The following ABCA1 variants were observed in gnomAD, a reference collection of about 807,000 sequenced individuals.
ABCA1 encodes phospholipid-transporting ATPase ABCA1.
In ABCA1, 133 loss-of-function variants were observed where a neutral mutation model predicts 262.5. That is an observed-to-expected ratio of 0.51 (90% CI 0.44 to 0.59). The LOEUF is 0.59. Among genes scored for constraint, ABCA1 ranks in the 20% least tolerant of loss-of-function variants. ABCA1 has a pLI of 0.00. For missense variants in ABCA1, 2,452 were observed against 2,777.5 expected (o/e 0.88, Z 2.63); for synonymous variants, 1,022 against 1,043.5 (o/e 0.98, Z 0.40).
intron 7 of ABCA1, among the ~76,000 whole-genome samples, chr9:104,850,150 C>T (rs1364395968): frequency 7.1e-6 from 1 of 140,090 alleles, no homozygotes. Flanking sequence ...AAGACGGAGT[C>T]TCACTCTGTC....
At chr9:104,887,722 C>CTTT (rs56828334) in intron 3 of ABCA1, among the ~76,000 whole-genome samples, 6,909 of 98,832 alleles carry the variant, frequency 0.07, 429 homozygotes, top group Non-Finnish European at 0.087. Flanking sequence ...TCAGTTTATG[C>CTTT]TTTTTTTTTT....
intron 2 of ABCA1, among the ~76,000 whole-genome samples, chr9:104,889,643 T>C (rs1411035656): frequency 6.6e-6 from 1 of 152,190 alleles, no homozygotes; most frequent in Non-Finnish European, 1.5e-5. Context: ...CACCCATCTG[T>C]CTGCATTCCC....
chr9:104,793,017 AG>A, intron 41 of ABCA1, 111 bp from the exon 42 acceptor site: 1 of 1,592,484 alleles, frequency 6.3e-7, no homozygotes, highest in East Asian at 2.2e-5. Context: ...CAGGATGGGC[AG>A]GGAGGGGGCT....
chr9:104,909,610 AC>A lies in ABCA1; in HGVS notation c.-92-5840del, dbSNP rs1269345330. ...TCAGTGATGCTGGCAAAAGAAATACACACACACACACACACACACACACACA... is the reference window on the plus strand; with the variant it reads ...TCAGTGATGCTGGCAAAAGAAATACAACACACACACACACACACACACACA... On this transcript the variant is annotated intron_variant, in intron 1 of 49. Transcript: ENST00000374736. 1.9e-3 allele frequency among the ~76,000 whole-genome samples: 51 copies of A among 26,768 alleles called. 1 individual carries two copies. The East Asian group carries it at 0.066, about 35-fold the overall frequency. The allele number at this position is 26,768 out of a possible 152,430, so 17.6% of individuals were successfully genotyped here.
rs1450935000 is a variant in ABCA1 at position 104,884,452 on chromosome 9, C to T, written c.277G>A (p.Val93Ile). The change falls in exon 4 of 50, where the codon GTT becomes ATT. Residue 93 changes from valine (V) to isoleucine (I), a missense_variant. This residue lies in a region of ABCA1 where 1,032 missense variants were observed against 1,089.7 expected (regional missense o/e 0.95). Transcript: ENST00000374736. The part of the protein sequence containing the change: ...RYPTPGEAPG[V>I]VGNFNKSIVA... ...ATGGATTTGTTAAAGTTTCCAACAA[C>T]TCCGGGAGCCTCCCCAGGAGTCGGG... is the stretch of plus-strand genomic sequence containing the variant. 3 of 1,614,130 alleles carry T rather than the reference C, an allele frequency of 1.9e-6. No individual in the cohort carries two copies. Among genetic ancestry groups the T allele is most frequent in the African/African-American group, 2.7e-5 (2 of 74,938 alleles).
chr9:104,896,711 CTTTTTTTTTTTTTTTTTTTTTTTTTTT>C (rs56710442), intron 2 of ABCA1, among the ~76,000 whole-genome samples: 2 of 36,988 alleles, frequency 5.4e-5, no homozygotes, highest in Admixed American at 4.5e-4. Context: ...CCCTACACAT[CTTTTTTTTTTTTTTTTTTTTTTTTTTT>C]TTTTTTTTTT....
intron 2 of ABCA1, among the ~76,000 whole-genome samples, chr9:104,899,389 G>T (rs1300808879): frequency 6.6e-6 from 1 of 152,134 alleles, no homozygotes; most frequent in East Asian, 1.9e-4. Context: ...TTTCATTAAA[G>T]AATGCCCAAA....
intron 2 of ABCA1, among the ~76,000 whole-genome samples, chr9:104,894,978 T>G (rs1840069735): frequency 6.6e-6 from 1 of 152,252 alleles, no homozygotes; most frequent in African/African-American, 2.4e-5. Context: ...CAAAGTTGAC[T>G]TCTGCCAGGA....
In ABCA1 at chr9:104,884,579, C is replaced by T. The variant is rs1269032750; in HGVS notation, c.161-11G>A. On this transcript the variant is annotated splice_polypyrimidine_tract_variant and intron_variant, in intron 3 of 49. Coordinates refer to ENST00000374736, the MANE Select transcript of ABCA1 (RefSeq NM_005502.4). ...TATTTGGAAAATGGCCTGTTGAAATCGAGGAGTAGAAAAACACAGGGAGAA... is the reference window on the plus strand; with the variant it reads ...TATTTGGAAAATGGCCTGTTGAAATTGAGGAGTAGAAAAACACAGGGAGAA... 4.3e-6 allele frequency: 7 copies of T among 1,613,950 alleles called. No homozygotes were observed. The highest frequency in any genetic ancestry group is 2.2e-5 in the East Asian group (1 of 44,894).
chr9:104,924,624 AAG>A (rs571601520), intron 1 of ABCA1, among the ~76,000 whole-genome samples: 25,306 of 148,696 alleles, frequency 0.17, 2,322 homozygotes, highest in South Asian at 0.32. Context: ...AAAAAAAAAA[AAG>A]AAAAAGTATT....
intron 34 of ABCA1, 70 bp from the exon 35 acceptor site, chr9:104,800,654 C>G (rs764712406): frequency 2.1e-6 from 3 of 1,418,640 alleles, no homozygotes; most frequent in Non-Finnish European, 3.0e-6. Context: ...CAATCTGGAA[C>G]CTGTGGACAA....
chr9:104,899,511 T>G (rs568775432), intron 2 of ABCA1, among the ~76,000 whole-genome samples: 1 of 151,960 alleles, frequency 6.6e-6, no homozygotes, highest in Non-Finnish European at 1.5e-5. Context: ...CTGGCCAACA[T>G]GCTAAAACCA....
chr9:104,802,115 G>A lies in ABCA1; in HGVS notation c.4637C>T (p.Pro1546Leu). 6.2e-7 allele frequency: 1 copy of A among 1,614,156 alleles called. No homozygotes were observed. The highest frequency in any genetic ancestry group is 8.5e-7 in the Non-Finnish European group (1 of 1,180,028). ...SLGVSNTQAL[P>L]PSQEVNDAIK... is the part of the protein sequence containing the mutation. ...GGCATCATTAACTTCTTGACTCGGAGGAAGTGCTTGAGTATTACTGACACC... is the reference window on the plus strand; with the variant it reads ...GGCATCATTAACTTCTTGACTCGGAAGAAGTGCTTGAGTATTACTGACACC... Residue 1546 changes from proline (P) to leucine (L), a missense_variant, in exon 34 of 50, where the codon CCT becomes CTT. Physicochemically the swap from Pro to Leu is moderately conservative, Grantham distance 98. Coordinates refer to ENST00000374736, the MANE Select transcript of ABCA1 (RefSeq NM_005502.4).
rs1294706919 is a variant in ABCA1 at position 104,782,969 on chromosome 9, A to G, written c.*1346T>C. The G allele has an allele frequency of 2.6e-5, 4 of 152,606 alleles. No individual in the cohort carries two copies. Among genetic ancestry groups the G allele is most frequent in the African/African-American group, 4.8e-5 (2 of 41,444 alleles). 9.5% of individuals were successfully genotyped at this position (152,606 alleles called of 1,614,324 possible). A position where few individuals can be genotyped will look rare whatever the true frequency, so the allele number is the denominator to read the frequency against. On this transcript the variant is annotated 3_prime_UTR_variant, in exon 50 of 50. Coordinates refer to ENST00000374736, the MANE Select transcript of ABCA1 (RefSeq NM_005502.4). ...GGCACAGGAAGTGTACTGAGACTTA[A>G]TATCTCTCTAGTCTTATACGTACGT...
intron 2 of ABCA1, among the ~76,000 whole-genome samples, chr9:104,890,236 C>A (rs970709771): frequency 6.6e-6 from 1 of 152,166 alleles, no homozygotes; most frequent in African/African-American, 2.4e-5. Flanking sequence ...AGTCACACAG[C>A]CAAGATAATA....
intron 5 of ABCA1, among the ~76,000 whole-genome samples, chr9:104,874,189 C>T (rs1341739362): frequency 6.6e-6 from 1 of 152,192 alleles, no homozygotes; most frequent in Non-Finnish European, 1.5e-5. Flanking sequence ...TAAGTAAAAT[C>T]CAGTATAACC....
intron 1 of ABCA1, among the ~76,000 whole-genome samples, chr9:104,919,712 G>A (rs1430767874): frequency 6.6e-6 from 1 of 152,162 alleles, no homozygotes; most frequent in African/African-American, 2.4e-5. Context: ...AGCAAGAACA[G>A]TATCTCACTA....
chr9:104,868,767 C>T (rs1485617300), intron 5 of ABCA1, among the ~76,000 whole-genome samples: 1 of 152,200 alleles, frequency 6.6e-6, no homozygotes, highest in African/African-American at 2.4e-5. Flanking sequence ...CGAAGCAGAA[C>T]CCTCAGCTTC....
In ABCA1 at chr9:104,806,440, G is replaced by C. The variant is rs375395197; in HGVS notation, c.4275-10C>G. The C allele has an allele frequency of 5.6e-6, 9 of 1,613,900 alleles. No homozygotes were observed. In the Middle Eastern group the frequency reaches 6.6e-4, roughly 118 times the overall value. On this transcript the variant is annotated splice_polypyrimidine_tract_variant and intron_variant, in intron 30 of 49. Coordinates refer to ENST00000374736, the MANE Select transcript of ABCA1 (RefSeq NM_005502.4). ...CTGGCAGGGCGTGTCTCTGCAAAGG[G>C]AAGACAGCAAGAGTAGGATTACCAG...
Sources: gnomAD v4.1 joint callset for allele counts (sites outside exome capture counted in the v4.1 genomes callset) on GRCh38, gnomAD v4.1.1 for gene constraint, gnomAD v4.1.1 regional missense constraint, MANE v1.5 for transcripts, NCBI Gene and HGNC (gene_info 2026-07-23, HGNC 2026-07-21) for gene names.